The following PLA2G5 variants were observed in gnomAD, a reference collection of about 807,000 sequenced individuals.
PLA2G5 encodes the protein phospholipase A2 group V.
In PLA2G5, 12 loss-of-function variants were observed where a neutral mutation model predicts 15.9. The ratio of observed to expected loss-of-function variants is 0.76; its 90% CI spans 0.48 to 1.23. The LOEUF (loss-of-function observed/expected upper bound fraction) is 1.23. Ranked by LOEUF, PLA2G5 falls within the 50% of genes most tolerant of loss-of-function variation. PLA2G5 has a pLI of 0.00. For missense variants in PLA2G5, 169 were observed against 177.1 expected, an observed-to-expected ratio of 0.95 and a Z score of 0.26; for synonymous variants, 71 against 71.4, an observed-to-expected ratio of 0.99 and a Z score of 0.03.
chr1:20,067,773 C>A (rs184464449), upstream of PLA2G5, among the ~76,000 whole-genome samples: 50 of 151,884 alleles, frequency 3.3e-4, 1 homozygote, highest in African/African-American at 9.4e-4. Flanking sequence ...AAGGGAAGCC[C>A]AGAAATAGAT....
intron 1 of PLA2G5, among the ~76,000 whole-genome samples, chr1:20,083,896 G>A (rs573339355): frequency 1.3e-5 from 2 of 151,896 alleles, no homozygotes; most frequent in South Asian, 4.1e-4. Context: ...ACTCTCGTGA[G>A]CCCCCAGGGT....
At chr1:20,036,729 G>A (rs2013265987) in intron 1 of PLA2G5, among the ~76,000 whole-genome samples, 1 of 152,126 alleles carries the variant, frequency 6.6e-6, no homozygotes, top group African/African-American at 2.4e-5. Flanking sequence ...TCAATGGCAT[G>A]ATCTCGACTC....
At chr1:20,090,271 A>G (rs557210918) in intron 4 of PLA2G5, among the ~76,000 whole-genome samples, 1 of 152,264 alleles carries the variant, frequency 6.6e-6, no homozygotes, top group East Asian at 1.9e-4. Context: ...TATGAGAATG[A>G]GAGTTCCTCC....
upstream of PLA2G5, chr1:20,070,180 G>C: frequency 1.0e-6 from 1 of 985,314 alleles, no homozygotes; most frequent in Non-Finnish European, 1.2e-6. Context: ...AGGACTTCCT[G>C]CCTCTGCAAA....
At chr1:20,041,207 T>C (rs1331807750) in intron 1 of PLA2G5, among the ~76,000 whole-genome samples, 2 of 152,218 alleles carry the variant, frequency 1.3e-5, no homozygotes, top group African/African-American at 4.8e-5. Context: ...AGGTGCTTGG[T>C]ATCAGCATAA....
At chr1:20,089,702 G>A in intron 3 of PLA2G5, 87 bp from the exon 4 acceptor site, 1 of 1,027,608 alleles carries the variant, frequency 9.7e-7, no homozygotes, top group Non-Finnish European at 1.5e-6. Flanking sequence ...CTCTGCTAAA[G>A]TGACATGGTT....
chr1:20,033,456 T>A (rs1050960415), intron 1 of PLA2G5, among the ~76,000 whole-genome samples: 1 of 152,172 alleles, frequency 6.6e-6, no homozygotes, highest in Admixed American at 6.5e-5. Flanking sequence ...ATAAGCAAGA[T>A]GACAGGAGGG....
intron 1 of PLA2G5, among the ~76,000 whole-genome samples, chr1:20,032,353 G>GTT (rs71010528): frequency 4.8e-5 from 7 of 145,054 alleles, no homozygotes; most frequent in East Asian, 2.0e-4. Context: ...TGTGTGTGTG[G>GTT]TTTTTTTTTT....
intron 1 of PLA2G5, among the ~76,000 whole-genome samples, chr1:20,039,726 T>C (rs2013480706): frequency 6.6e-6 from 1 of 152,168 alleles, no homozygotes; most frequent in South Asian, 2.1e-4. Flanking sequence ...ATAAGAACTT[T>C]ACATACTGAC....
chr1:20,051,586 T>C (rs1275569429), intron 1 of PLA2G5, among the ~76,000 whole-genome samples: 3 of 152,242 alleles, frequency 2.0e-5, no homozygotes, highest in African/African-American at 4.8e-5. Flanking sequence ...TGGAAACTAT[T>C]TGTGGGTATT....
At chr1:20,077,963 G>A (rs1048811269) in intron 1 of PLA2G5, among the ~76,000 whole-genome samples, 2 of 152,284 alleles carry the variant, frequency 1.3e-5, no homozygotes, top group African/African-American at 4.8e-5. Flanking sequence ...CCCTGAACTC[G>A]AATGAGCTCA....
intron 1 of PLA2G5, among the ~76,000 whole-genome samples, chr1:20,074,498 G>A (rs10916704): frequency 6.6e-6 from 1 of 152,190 alleles, no homozygotes; most frequent in Non-Finnish European, 1.5e-5. Flanking sequence ...AACTGACGAA[G>A]CTGACTTCAT....
intron 1 of PLA2G5, chr1:20,028,848 G>A (rs1411216979): frequency 1.3e-5 from 2 of 152,310 alleles, no homozygotes; most frequent in Non-Finnish European, 2.9e-5. Context: ...ACCCCTTGCA[G>A]GGTGTGCGAT....
intron 2 of PLA2G5, among the ~76,000 whole-genome samples, chr1:20,064,070 C>T (rs2014884431): frequency 1.3e-5 from 2 of 152,268 alleles, no homozygotes; most frequent in South Asian, 2.1e-4. Context: ...CATTATGGAC[C>T]TTTCGCTGAG....
At chr1:20,071,695 A>G (rs112513045) in intron 1 of PLA2G5, among the ~76,000 whole-genome samples, 1 of 152,002 alleles carries the variant, frequency 6.6e-6, no homozygotes, top group Non-Finnish European at 1.5e-5. Flanking sequence ...GGGCCTTTGT[A>G]CTTGCTCTTC....
chr1:20,042,574 C>T (rs750922233), intron 1 of PLA2G5, among the ~76,000 whole-genome samples: 6 of 151,912 alleles, frequency 3.9e-5, no homozygotes, highest in Non-Finnish European at 8.8e-5. Context: ...GATTTTAGGG[C>T]TGTTTTTAAG....
chr1:20,089,322 T>TAACAGTTCAGTAGGAATCACAC (rs1353911202), intron 3 of PLA2G5, among the ~76,000 whole-genome samples: 1 of 152,184 alleles, frequency 6.6e-6, no homozygotes, highest in Non-Finnish European at 1.5e-5. Flanking sequence ...CTGGATCACA[T>TAACAGTTCAGTAGGAATCACAC]AACAGTTCAG....
intron 1 of PLA2G5, among the ~76,000 whole-genome samples, chr1:20,038,986 G>T (rs55794108): frequency 1.3e-5 from 2 of 152,114 alleles, no homozygotes; most frequent in Non-Finnish European, 2.9e-5. Flanking sequence ...ACACTCAGTT[G>T]TGGTGGTGTG....
At chr1:20,045,745 C>G (rs1222970055) in intron 1 of PLA2G5, among the ~76,000 whole-genome samples, 1 of 152,194 alleles carries the variant, frequency 6.6e-6, no homozygotes, top group African/African-American at 2.4e-5. Context: ...GGATTGATCT[C>G]CCAGTGGAGG....
Sources: allele counts gnomAD v4.1 joint callset (sites outside exome capture counted in the v4.1 genomes callset), GRCh38; gene constraint gnomAD v4.1.1; transcripts MANE v1.5; gene names NCBI Gene and HGNC (gene_info 2026-07-23, HGNC 2026-07-21).